The following ACTN1 variants were observed in gnomAD, a reference collection of about 807,000 sequenced individuals.
The protein encoded by ACTN1 is alpha-actinin-1.
A neutral mutation model predicts 119.6 loss-of-function variants in ACTN1; 30 were observed. The ratio of observed to expected loss-of-function variants is 0.25; its 90% CI spans 0.19 to 0.34. The LOEUF is 0.34. ACTN1 is among the 10% of genes least tolerant of loss of function. The pLI, the probability that ACTN1 is intolerant of heterozygous loss-of-function variation, is 1.00. For synonymous variants in ACTN1, 429 were observed against 472.6 expected (o/e 0.91, Z 1.20); for missense variants, 764 against 1,223.4 (o/e 0.62, Z 5.60).
intron 1 of ACTN1, 53 bp downstream of exon 1, chr14:68,978,899 C>CGGGGCCGGGGGCTG: frequency 9.0e-7 from 1 of 1,113,360 alleles, no homozygotes; most frequent in South Asian, 1.5e-5. Context: ...CAGAGCGGGT[C>CGGGGCCGGGGGCTG]GGGGCTGGGG....
intron 11 of ACTN1, chr14:68,888,025 TCTC>T: frequency 1.4e-6 from 1 of 739,318 alleles, no homozygotes; most frequent in East Asian, 2.6e-5. Flanking sequence ...ACCGCGCCGA[TCTC>T]CTCTTGGGCT....
intron 10 of ACTN1, 87 bp from the exon 11 acceptor site, chr14:68,890,373 A>G (rs2032385058): frequency 6.7e-7 from 1 of 1,486,998 alleles, no homozygotes; most frequent in Non-Finnish European, 9.1e-7. Context: ...AAGGTGCCCC[A>G]TGCCTTCCAG....
chr14:68,923,405 T>A (rs1173871134), intron 2 of ACTN1, among the ~76,000 whole-genome samples: 5 of 152,132 alleles, frequency 3.3e-5, no homozygotes, highest in Non-Finnish European at 7.4e-5. Context: ...GGGTGAAGCC[T>A]TCTTGAAGGA....
intron 1 of ACTN1, among the ~76,000 whole-genome samples, chr14:68,964,914 C>T (rs1168524021): frequency 6.6e-6 from 1 of 152,158 alleles, no homozygotes; most frequent in Non-Finnish European, 1.5e-5. Context: ...TAAGGGCCCG[C>T]ATGTGGATCA....
At chr14:68,910,937 T>C (rs963329340) in intron 4 of ACTN1, among the ~76,000 whole-genome samples, 16 of 152,236 alleles carry the variant, frequency 1.1e-4, no homozygotes, top group Non-Finnish European at 1.9e-4. Context: ...TCCCCAGCCA[T>C]GTGGAACTGT....
At chr14:68,901,262 T>G (rs2033311876) in intron 8 of ACTN1, among the ~76,000 whole-genome samples, 1 of 147,722 alleles carries the variant, frequency 6.8e-6, no homozygotes, top group South Asian at 2.2e-4. Context: ...TTTTTTTTTT[T>G]TTTGAGACAG....
At chr14:68,883,236 A>G (rs1428051892) in intron 14 of ACTN1, 181 bp from the exon 15 acceptor site, 1 of 641,118 alleles carries the variant, frequency 1.6e-6, no homozygotes, top group African/African-American at 1.8e-5. Flanking sequence ...CACAGTCATC[A>G]AAAGCAACAG....
chr14:68,883,689 G>A lies in ACTN1; in HGVS notation c.1635+479C>T, dbSNP rs565957734. On this transcript the variant is annotated intron_variant, in intron 14 of 21. Transcript: ENST00000394419. The stretch of plus-strand genomic sequence containing the variant: ...GCTACTAGGGAGGCTGCAGCAGGAG[G>A]ATCGCTTAAGCCCAGGAGTTGGAGG... Among the ~76,000 whole-genome samples, 56 of 152,198 alleles carry A rather than the reference G, an allele frequency of 3.7e-4. 1 individual carries two copies. The South Asian group carries it at 0.012, about 32-fold the overall frequency.
intron 8 of ACTN1, among the ~76,000 whole-genome samples, chr14:68,897,107 C>T (rs1390541952): frequency 2.6e-5 from 4 of 152,156 alleles, no homozygotes; most frequent in Admixed American, 1.3e-4. Flanking sequence ...CTCAGCCTCC[C>T]GAGTAGCTGG....
chr14:68,934,378 G>A (rs889497149), intron 1 of ACTN1, among the ~76,000 whole-genome samples: 1 of 152,248 alleles, frequency 6.6e-6, no homozygotes, highest in African/African-American at 2.4e-5. Flanking sequence ...AAGGGCCTGT[G>A]GTTAGACATG....
intron 16 of ACTN1, 23 bp from the exon 17 acceptor site, chr14:68,881,012 C>T (rs201815799): frequency 2.2e-5 from 36 of 1,612,354 alleles, no homozygotes; most frequent in Non-Finnish European, 3.0e-5. Flanking sequence ...AAGGAAGCAC[C>T]TTGTCAGACC....
At chr14:68,976,004 AGAG>A (rs1286125426) in intron 1 of ACTN1, among the ~76,000 whole-genome samples, 2 of 152,238 alleles carry the variant, frequency 1.3e-5, no homozygotes, top group Non-Finnish European at 1.5e-5. Context: ...TCCCATTTAC[AGAG>A]GAGGAAACCT....
At chr14:68,973,044 TAGACCAG>T (rs2036941172) in intron 1 of ACTN1, among the ~76,000 whole-genome samples, 1 of 152,194 alleles carries the variant, frequency 6.6e-6, no homozygotes, top group South Asian at 2.1e-4. Flanking sequence ...TGCCCATCAC[TAGACCAG>T]ACTCACCATG....
chr14:68,931,694 G>A (rs1296454146), intron 1 of ACTN1, among the ~76,000 whole-genome samples: 1 of 152,178 alleles, frequency 6.6e-6, no homozygotes, highest in Non-Finnish European at 1.5e-5. Flanking sequence ...CTCACAGGGT[G>A]GGGAAGATCG....
chr14:68,885,415 G>A lies in ACTN1; in HGVS notation c.1385+10C>T. ...CTCACCACAGGGTAGGGGTGTCTGGGGCCACCTACTTGAGCTCCTGTGCGA... is the reference window on the plus strand; with the variant it reads ...CTCACCACAGGGTAGGGGTGTCTGGAGCCACCTACTTGAGCTCCTGTGCGA... On this transcript the variant is annotated intron_variant, in intron 12 of 21. Transcript: ENST00000394419. The surrounding 1 kb of genome is among the most constrained non-coding windows in gnomAD (Gnocchi z 5.6). 1 of 1,605,814 alleles carries A rather than the reference G, an allele frequency of 6.2e-7. No individual in the cohort carries two copies. The highest frequency in any genetic ancestry group is 1.3e-5 in the African/African-American group (1 of 74,878).
chr14:68,925,242 A>T lies in ACTN1; in HGVS notation c.220+316T>A, dbSNP rs2034860186. On this transcript the variant is annotated intron_variant, in intron 2 of 21. Coordinates refer to ENST00000394419, the MANE Select transcript of ACTN1 (RefSeq NM_001130004.2). This position sits in a 1 kb window ranked among gnomAD's most constrained non-coding sequence, Gnocchi z 4.3. ...AGTAATGGAGCCAAGATTTGGAGAC[A>T]GTCACCCATGGTTAACATTCTTGGC... Among the ~76,000 whole-genome samples, 1 of 151,844 alleles carries T rather than the reference A, an allele frequency of 6.6e-6. No individual in the cohort carries two copies. Among genetic ancestry groups the T allele is most frequent in the African/African-American group, 2.4e-5 (1 of 41,334 alleles).
At chr14:68,966,846 C>A (rs1388381420) in intron 1 of ACTN1, among the ~76,000 whole-genome samples, 3 of 152,196 alleles carry the variant, frequency 2.0e-5, no homozygotes, top group Non-Finnish European at 4.4e-5. Flanking sequence ...ACCAGAAATT[C>A]CCTGTGATTT....
intron 1 of ACTN1, among the ~76,000 whole-genome samples, chr14:68,976,934 A>T (rs1048881003): frequency 6.6e-6 from 1 of 152,198 alleles, no homozygotes; most frequent in African/African-American, 2.4e-5. Context: ...CCCAGGTCAG[A>T]GCCCTGGGAA....
rs375980918 is a variant in ACTN1, at chr14:68,884,351, A to C, written c.1495-43T>G. On this transcript the variant is annotated intron_variant, in intron 13 of 21. Coordinates refer to ENST00000394419, the MANE Select transcript of ACTN1 (RefSeq NM_001130004.2). ...GGTAAGGGTTAGTACAGTGATGTCC[A>C]GAATCATCCCCCACTCCTATCAAGA... 2.9e-5 allele frequency: 46 copies of C among 1,581,982 alleles called. No homozygotes were observed. The African/African-American group carries it at 5.8e-4, about 20-fold the overall frequency.
Sources: allele counts gnomAD v4.1 joint callset (sites outside exome capture counted in the v4.1 genomes callset), GRCh38; gene constraint gnomAD v4.1.1; non-coding constraint Gnocchi (gnomAD v3.1); transcripts MANE v1.5; gene names NCBI Gene and HGNC (gene_info 2026-07-23, HGNC 2026-07-21).